The following ITSN1 variants were observed in gnomAD, a reference collection of about 807,000 sequenced individuals.
The protein encoded by ITSN1 is intersectin-1.
A neutral mutation model predicts 239.8 loss-of-function variants in ITSN1; 58 were observed. The observed-to-expected ratio is 0.24, with a 90% confidence interval of 0.20 to 0.30. The LOEUF is 0.30. Among genes scored for constraint, ITSN1 ranks in the 10% least tolerant of loss-of-function variants. ITSN1 has a pLI of 1.00. For synonymous variants in ITSN1, 780 were observed against 770.8 expected (o/e 1.01, Z -0.20); for missense variants, 1,558 against 2,103.3 (o/e 0.74, Z 5.07).
chr21:33,650,452 A>G (rs776338036), intron 1 of ITSN1, among the ~76,000 whole-genome samples: 2 of 152,210 alleles, frequency 1.3e-5, no homozygotes, highest in Non-Finnish European at 2.9e-5. Context: ...CTTCTCTGCA[A>G]GGCAAATTTC....
At chr21:33,848,308 C>A (rs537138004) in intron 29 of ITSN1, among the ~76,000 whole-genome samples, 1 of 152,212 alleles carries the variant, frequency 6.6e-6, no homozygotes, top group Non-Finnish European at 1.5e-5. Context: ...GACACACAGA[C>A]GCTGGAGATG....
intron 31 of ITSN1, among the ~76,000 whole-genome samples, chr21:33,859,407 T>G (rs1461488672): frequency 6.6e-6 from 1 of 152,072 alleles, no homozygotes; most frequent in Non-Finnish European, 1.5e-5. Context: ...ATGAAAGGGT[T>G]GGATTCGATC....
chr21:33,757,319 C>T (rs1018706235), intron 8 of ITSN1, among the ~76,000 whole-genome samples: 4 of 152,004 alleles, frequency 2.6e-5, no homozygotes, highest in African/African-American at 9.7e-5. Flanking sequence ...ATGACCCAGG[C>T]ACTTGAGCAT....
intron 1 of ITSN1, among the ~76,000 whole-genome samples, chr21:33,718,080 T>C (rs913687903): frequency 5.3e-5 from 8 of 152,314 alleles, no homozygotes; most frequent in Middle Eastern, 3.4e-3. Context: ...ACGAATGATA[T>C]CGTGCTAATC....
intron 6 of ITSN1, 33 bp from the exon 7 acceptor site, chr21:33,751,777 A>G: frequency 6.8e-7 from 1 of 1,474,186 alleles, no homozygotes; most frequent in East Asian, 2.3e-5. Context: ...TTATCTTTGT[A>G]GAATTAAAAT....
intron 33 of ITSN1, among the ~76,000 whole-genome samples, chr21:33,868,437 G>A (rs1490039863): frequency 6.6e-6 from 1 of 152,232 alleles, no homozygotes; most frequent in East Asian, 1.9e-4. Context: ...CAGGCATGGC[G>A]GGCTGCAGTC....
rs374097688 is a variant in ITSN1, at chr21:33,726,394, T to A, written c.185+3743T>A. On this transcript the variant is annotated intron_variant, in intron 4 of 39. Transcript: ENST00000381318. Reference sequence around the variant, plus strand: ...TTATGTTCTTCTGTGATTTTTCTGGTAGGGTCCCAGGGTAAGTCCTTACTC... The same window carrying A: ...TTATGTTCTTCTGTGATTTTTCTGGAAGGGTCCCAGGGTAAGTCCTTACTC... Among the ~76,000 whole-genome samples, 16 of 152,258 alleles carry A rather than the reference T, an allele frequency of 1.1e-4. No homozygotes were observed. In the East Asian group the frequency reaches 1.5e-3, roughly 15 times the overall value.
intron 34 of ITSN1, among the ~76,000 whole-genome samples, chr21:33,879,919 A>T (rs1040574536): frequency 2.0e-5 from 3 of 152,248 alleles, no homozygotes; most frequent in African/African-American, 7.2e-5. Context: ...AACTCAGGTG[A>T]TCTGCCCACC....
At chr21:33,881,937 C>A (rs867799376) in intron 34 of ITSN1, among the ~76,000 whole-genome samples, 21 of 145,618 alleles carry the variant, frequency 1.4e-4, no homozygotes, top group African/African-American at 4.8e-4. Flanking sequence ...CATAGTGAGA[C>A]CCTGTCTCAA....
intron 1 of ITSN1, among the ~76,000 whole-genome samples, chr21:33,684,302 T>A (rs2091127533): frequency 6.6e-6 from 1 of 152,196 alleles, no homozygotes; most frequent in African/African-American, 2.4e-5. Context: ...TGCTAGAGAC[T>A]AAATTGATCT....
chr21:33,746,836 C>CT (rs1194861914), intron 5 of ITSN1, among the ~76,000 whole-genome samples: 1 of 151,294 alleles, frequency 6.6e-6, no homozygotes, highest in Non-Finnish European at 1.5e-5. Flanking sequence ...GAGTGAAACT[C>CT]TGTCACAGAA....
At chr21:33,830,634 C>T (rs1468874847) in intron 27 of ITSN1, among the ~76,000 whole-genome samples, 2 of 152,096 alleles carry the variant, frequency 1.3e-5, no homozygotes, top group African/African-American at 2.4e-5. Flanking sequence ...TATCTAGACT[C>T]AGTGCAGTAT....
chr21:33,680,019 T>G (rs1352548154), intron 1 of ITSN1, among the ~76,000 whole-genome samples: 1 of 152,198 alleles, frequency 6.6e-6, no homozygotes. Context: ...TTTTAATCTG[T>G]CATTTTATTT....
At chr21:33,887,249 G>A (rs1985937990) in intron 39 of ITSN1, among the ~76,000 whole-genome samples, 1 of 151,716 alleles carries the variant, frequency 6.6e-6, no homozygotes, top group Non-Finnish European at 1.5e-5. Flanking sequence ...AGCCTGGGAG[G>A]TCGAGGCTGC....
At chr21:33,695,363 A>C (rs889857703) in intron 1 of ITSN1, among the ~76,000 whole-genome samples, 1 of 152,262 alleles carries the variant, frequency 6.6e-6, no homozygotes, top group Admixed American at 6.5e-5. Context: ...TATAAGATCC[A>C]TTTTAAAAGT....
intron 5 of ITSN1, among the ~76,000 whole-genome samples, chr21:33,743,255 C>G (rs1388429785): frequency 1.3e-5 from 2 of 152,234 alleles, no homozygotes; most frequent in Admixed American, 1.3e-4. Flanking sequence ...CACCTGAGGT[C>G]AGGAGTTCAA....
intron 1 of ITSN1, among the ~76,000 whole-genome samples, chr21:33,650,526 T>C (rs939347065): frequency 2.0e-5 from 3 of 152,236 alleles, no homozygotes; most frequent in African/African-American, 7.2e-5. Context: ...CATTCCAGTG[T>C]GTTATCTATA....
In ITSN1 at chr21:33,772,296, G is replaced by A; in HGVS notation, c.1278G>A (p.Glu426=). 6.4e-7 allele frequency: 1 copy of A among 1,558,368 alleles called. No individual in the cohort carries two copies. Among genetic ancestry groups the A allele is most frequent in the Non-Finnish European group, 8.7e-7 (1 of 1,150,614 alleles). ...QRELERQREE[E]RRKEIERREA... ...AGCTAGAACGGCAGAGAGAGGAGGA[G>A]AGGAGGAAAGAAATTGAGAGGCGAG... The change falls in exon 12 of 40, where the codon GAG becomes GAA. Residue 426 remains glutamate (E), a synonymous_variant. Transcript: ENST00000381318.
intron 6 of ITSN1, among the ~76,000 whole-genome samples, 175 bp downstream of exon 6, chr21:33,750,497 T>TA (rs2067479025): frequency 6.6e-6 from 1 of 152,230 alleles, no homozygotes; most frequent in Non-Finnish European, 1.5e-5. Context: ...TTAAATGGGA[T>TA]ATGTTAGTGT....
Sources: gnomAD v4.1 joint callset for allele counts (sites outside exome capture counted in the v4.1 genomes callset) on GRCh38, gnomAD v4.1.1 for gene constraint, MANE v1.5 for transcripts, NCBI Gene and HGNC (gene_info 2026-07-23, HGNC 2026-07-21) for gene names.